The following VPS13B variants were observed in gnomAD, a reference collection of about 807,000 sequenced individuals.
VPS13B encodes intermembrane lipid transfer protein VPS13B.
A neutral mutation model predicts 426.4 loss-of-function variants in VPS13B; 285 were observed. That is an observed-to-expected ratio of 0.67 (90% CI 0.61 to 0.74). VPS13B has a LOEUF of 0.74. Among genes scored for constraint, VPS13B ranks in the 30% least tolerant of loss-of-function variants. The pLI, the probability that VPS13B is intolerant of heterozygous loss-of-function variation, is 0.00. For synonymous variants in VPS13B, 1,676 were observed against 1,676.4 expected, an observed-to-expected ratio of 1.00 and a Z score of 0.01; for missense variants, 4,537 against 4,782.6, an observed-to-expected ratio of 0.95 and a Z score of 1.51.
At chr8:99,750,124 T>C (rs1810319676) in intron 39 of VPS13B, among the ~76,000 whole-genome samples, 2 of 152,214 alleles carry the variant, frequency 1.3e-5, no homozygotes. Flanking sequence ...GTTTATATTT[T>C]ATATGCATTT....
chr8:99,778,319 A>G (rs1488552625), intron 41 of VPS13B, among the ~76,000 whole-genome samples: 1 of 151,236 alleles, frequency 6.6e-6, no homozygotes, highest in Non-Finnish European at 1.5e-5. Flanking sequence ...ACTCTCTTTG[A>G]GTCATGTTTT....
intron 19 of VPS13B, among the ~76,000 whole-genome samples, chr8:99,330,649 A>G (rs953809501): frequency 6.6e-6 from 1 of 151,590 alleles, no homozygotes; most frequent in Non-Finnish European, 1.5e-5. Context: ...CTTCCTTCTA[A>G]GTTGTGGGAT....
chr8:99,368,468 CATTTCATAA>C (rs1813005444), intron 19 of VPS13B, among the ~76,000 whole-genome samples: 1 of 152,016 alleles, frequency 6.6e-6, no homozygotes, highest in East Asian at 1.9e-4. Flanking sequence ...TTTTTTAGTC[CATTTCATAA>C]ATGATTGTAC....
chr8:99,835,137 G>A lies in VPS13B; in HGVS notation c.9615-60G>A, dbSNP rs955079916. The A allele has an allele frequency of 2.5e-6, 4 of 1,608,860 alleles. No homozygotes were observed. The African/African-American group carries it at 5.3e-5, about 22-fold the overall frequency. On this transcript the variant is annotated intron_variant, in intron 52 of 61. Transcript: ENST00000357162. ...CAAATCTAAATAAACATGTTCCAGA[G>A]GAGAGAGCATTCATTTTTTTTCCTA... is the stretch of plus-strand genomic sequence containing the variant.
At chr8:99,490,536 T>C (rs1820549649) in intron 25 of VPS13B, among the ~76,000 whole-genome samples, 1 of 152,130 alleles carries the variant, frequency 6.6e-6, no homozygotes, top group African/African-American at 2.4e-5. Context: ...GGTCCTGGAC[T>C]TTTTTTGGTT....
In VPS13B at chr8:99,817,767, G is replaced by A; in HGVS notation, c.8325G>A (p.Leu2775=). The A allele has an allele frequency of 6.2e-7, 1 of 1,614,024 alleles. No individual in the cohort carries two copies. Among genetic ancestry groups the A allele is most frequent in the Non-Finnish European group, 8.5e-7 (1 of 1,179,966 alleles). The change falls in exon 45 of 62, where the codon CTG becomes CTA. Residue 2775 remains leucine, a synonymous_variant. Transcript: ENST00000357162. ...GDEDWSRDVC[L]ESKAPEYSIV... ...AAGACTGGTCAAGAGATGTGTGCCTGGAATCCAAAGCCCCTGAGTACAGCA... is the reference window on the plus strand; with the variant it reads ...AAGACTGGTCAAGAGATGTGTGCCTAGAATCCAAAGCCCCTGAGTACAGCA...
Position 99,217,743 on chromosome 8 carries a change from T to C in VPS13B, c.2515+24686T>C, listed in dbSNP as rs1470528131. 2.0e-5 allele frequency among the ~76,000 whole-genome samples: 3 copies of C among 152,152 alleles called. No homozygotes were observed. The East Asian group carries it at 5.8e-4, about 29-fold the overall frequency. On this transcript the variant is annotated intron_variant, in intron 17 of 61. Transcript: ENST00000357162. ...TCCAGGATAAAAATAGAGCTGTCACTAGAACAAAAAAAGTATGGAAAAAGA... is the reference window on the plus strand; with the variant it reads ...TCCAGGATAAAAATAGAGCTGTCACCAGAACAAAAAAAGTATGGAAAAAGA...
intron 24 of VPS13B, among the ~76,000 whole-genome samples, chr8:99,469,455 G>T (rs1819285732): frequency 6.6e-6 from 1 of 151,978 alleles, no homozygotes; most frequent in South Asian, 2.1e-4. Context: ...GGATTACATG[G>T]TGTGAGCACC....
chr8:99,229,016 G>A (rs1816173665), intron 17 of VPS13B, among the ~76,000 whole-genome samples: 2 of 152,064 alleles, frequency 1.3e-5, no homozygotes, highest in African/African-American at 4.8e-5. Flanking sequence ...TGTTAAAAAT[G>A]GCATTTTATT....
intron 33 of VPS13B, among the ~76,000 whole-genome samples, chr8:99,621,419 A>G (rs1828343061): frequency 6.6e-6 from 1 of 152,152 alleles, no homozygotes; most frequent in Non-Finnish European, 1.5e-5. Flanking sequence ...CCTGCTATAT[A>G]TAATCTTCTT....
Position 99,861,808 on chromosome 8 carries a change from A to G in VPS13B, c.11077A>G (p.Ser3693Gly). The G allele has an allele frequency of 1.3e-6, 2 of 1,598,872 alleles. No individual in the cohort carries two copies. The highest frequency in any genetic ancestry group is 1.7e-6 in the Non-Finnish European group (2 of 1,172,954). Residue 3693 changes from serine (S) to glycine (G), a missense_variant, in exon 58 of 62, where the codon AGC becomes GGC. Ser to Gly is a moderately conservative substitution (Grantham distance 56). Transcript: ENST00000357162. ...CACATCCATCACCAACCTCGCCACA[A>G]GCCTGGCCCGGAACATGGACCGGCT... is the stretch of plus-strand genomic sequence containing the variant. ...TLTSITNLAT[S>G]LARNMDRLSL... is the part of the protein sequence containing the mutation.
intron 3 of VPS13B, among the ~76,000 whole-genome samples, chr8:99,041,675 A>G (rs1486592089): frequency 6.6e-6 from 1 of 152,040 alleles, no homozygotes; most frequent in Non-Finnish European, 1.5e-5. Context: ...AACAGGGTGA[A>G]AACCCGTCCT....
intron 19 of VPS13B, among the ~76,000 whole-genome samples, chr8:99,359,897 G>A (rs1241139605): frequency 2.0e-5 from 3 of 152,106 alleles, no homozygotes; most frequent in Non-Finnish European, 4.4e-5. Context: ...CTGCCTCCTG[G>A]GTTCAAATAG....
intron 30 of VPS13B, among the ~76,000 whole-genome samples, chr8:99,543,462 G>C (rs1217890109): frequency 6.6e-6 from 1 of 151,668 alleles, no homozygotes; most frequent in African/African-American, 2.4e-5. Context: ...ATTGACAAAT[G>C]GGATCTAATT....
chr8:99,137,269 A>G (rs1342094194), intron 12 of VPS13B, among the ~76,000 whole-genome samples: 1 of 151,674 alleles, frequency 6.6e-6, no homozygotes, highest in African/African-American at 2.4e-5. Context: ...TTACTTCTAT[A>G]TCAATATATG....
At chr8:99,336,683 C>T (rs1290505764) in intron 19 of VPS13B, among the ~76,000 whole-genome samples, 1 of 152,022 alleles carries the variant, frequency 6.6e-6, no homozygotes, top group Admixed American at 6.6e-5. Flanking sequence ...TCAAATAACC[C>T]CATCAAAAAG....
chr8:99,222,096 A>G (rs1262196953), intron 17 of VPS13B, among the ~76,000 whole-genome samples: 1 of 152,182 alleles, frequency 6.6e-6, no homozygotes, highest in Non-Finnish European at 1.5e-5. Flanking sequence ...ATTTGGCATC[A>G]CTGGGACAAT....
intron 17 of VPS13B, among the ~76,000 whole-genome samples, chr8:99,230,099 A>G (rs1013423945): frequency 4.6e-5 from 7 of 152,196 alleles, no homozygotes; most frequent in Non-Finnish European, 1.0e-4. Context: ...GCTTTTAAGT[A>G]ACTATTACTG....
At chr8:99,224,721 C>G (rs1046318584) in intron 17 of VPS13B, among the ~76,000 whole-genome samples, 1 of 152,064 alleles carries the variant, frequency 6.6e-6, no homozygotes, top group Admixed American at 6.5e-5. Flanking sequence ...CTCATGTCTT[C>G]GTATATACAT....
Sources: allele counts gnomAD v4.1 joint callset (sites outside exome capture counted in the v4.1 genomes callset), GRCh38; gene constraint gnomAD v4.1.1; transcripts MANE v1.5; gene names NCBI Gene and HGNC (gene_info 2026-07-23, HGNC 2026-07-21).